SLC2A9: variants seen among roughly 807,000 people sequenced by gnomAD.
The protein encoded by SLC2A9 is solute carrier family 2, facilitated glucose transporter member 9.
In SLC2A9, 39 loss-of-function variants were observed where a neutral mutation model predicts 50.6. That is an observed-to-expected ratio of 0.77 (90% confidence interval 0.60 to 1.01). SLC2A9 has a LOEUF of 1.01. Among genes scored for constraint, SLC2A9 ranks in the 50% least tolerant of loss-of-function variants. The probability of loss-of-function intolerance (pLI) is 0.00; values close to 1 mark genes in which losing one functional copy is unlikely to be tolerated. For missense variants in SLC2A9, 686 were observed against 677.6 expected (o/e 1.01, Z -0.14); for synonymous variants, 324 against 276.9 (o/e 1.17, Z -1.69).
chr4:9,796,066 GC>G (rs1157865166), downstream of SLC2A9, among the ~76,000 whole-genome samples: 4 of 152,186 alleles, frequency 2.6e-5, no homozygotes, highest in Admixed American at 6.5e-5. Context: ...ATGTGGCACG[GC>G]TGAGATTCAG....
intron 5 of SLC2A9, among the ~76,000 whole-genome samples, chr4:9,955,202 C>T (rs140251000): frequency 0.012 from 1,555 of 126,412 alleles, 237 homozygotes; most frequent in Admixed American, 0.023. Context: ...ACATATAAAA[C>T]TCCAAGTCGG....
intron 5 of SLC2A9, 104 bp downstream of exon 5, chr4:9,980,488 C>T: frequency 6.6e-7 from 1 of 1,525,782 alleles, no homozygotes; most frequent in Admixed American, 1.7e-5. Context: ...GCTTGAATAC[C>T]AGAAATTGCA....
chr4:9,819,439 A>T (rs958395895), intron 3 of SLC2A9, among the ~76,000 whole-genome samples: 8 of 152,082 alleles, frequency 5.3e-5, no homozygotes, highest in African/African-American at 1.9e-4. Context: ...ATCATGAACC[A>T]CCTTTCTTCA....
chr4:9,791,542 T>C (rs1170672316), intron 3 of SLC2A9, among the ~76,000 whole-genome samples: 2 of 152,156 alleles, frequency 1.3e-5, no homozygotes, highest in Non-Finnish European at 2.9e-5. Context: ...CAAGTGTATT[T>C]TGCATGGGGT....
At chr4:9,848,868 C>T (rs1279709340) in intron 10 of SLC2A9, among the ~76,000 whole-genome samples, 1 of 152,108 alleles carries the variant, frequency 6.6e-6, no homozygotes, top group Non-Finnish European at 1.5e-5. Flanking sequence ...CCACGCCCGG[C>T]TAATTTTGTA....
upstream of SLC2A9, among the ~76,000 whole-genome samples, chr4:10,023,419 C>G (rs1224556795): frequency 6.6e-6 from 1 of 152,236 alleles, no homozygotes; most frequent in East Asian, 1.9e-4. Context: ...ACTCCCCTCT[C>G]TATACCCTCC....
chr4:9,867,353 T>C (rs193066246), intron 10 of SLC2A9, among the ~76,000 whole-genome samples: 359 of 152,346 alleles, frequency 2.4e-3, no homozygotes, highest in Non-Finnish European at 4.2e-3. Flanking sequence ...GGGTTTCTCA[T>C]GTCAGCTGAG....
intron 3 of SLC2A9, among the ~76,000 whole-genome samples, chr4:9,817,166 T>TGGG (rs1300419612): frequency 6.6e-6 from 1 of 152,220 alleles, no homozygotes; most frequent in Non-Finnish European, 1.5e-5. Context: ...ATGAGGACAT[T>TGGG]GGGTTTACCC....
At chr4:9,818,550 A>G (rs1235224333) in intron 3 of SLC2A9, among the ~76,000 whole-genome samples, 1 of 152,208 alleles carries the variant, frequency 6.6e-6, no homozygotes, top group Non-Finnish European at 1.5e-5. Context: ...AAAATTACTG[A>G]GAGAACTTTG....
chr4:9,884,178 C>A (rs1381004187), intron 10 of SLC2A9, among the ~76,000 whole-genome samples: 1 of 152,244 alleles, frequency 6.6e-6, no homozygotes, highest in Non-Finnish European at 1.5e-5. Context: ...GCTAGCGTTA[C>A]ACTGACTGAT....
At chr4:9,914,269 T>C (rs1037532695) in intron 7 of SLC2A9, among the ~76,000 whole-genome samples, 2 of 152,156 alleles carry the variant, frequency 1.3e-5, no homozygotes, top group African/African-American at 4.8e-5. Flanking sequence ...GATGAATCAC[T>C]ACCGGCAGCT....
intron 7 of SLC2A9, among the ~76,000 whole-genome samples, chr4:9,916,048 C>T (rs1048054675): frequency 3.9e-5 from 6 of 152,186 alleles, no homozygotes; most frequent in Admixed American, 6.5e-5. Flanking sequence ...ATGTCTCCTT[C>T]CCCTTGTTCC....
At chr4:9,986,195 G>A (rs1336822634) in intron 3 of SLC2A9, among the ~76,000 whole-genome samples, 2 of 152,204 alleles carry the variant, frequency 1.3e-5, no homozygotes, top group South Asian at 2.1e-4. Context: ...TTGAAGAACC[G>A]AGATGTCAAA....
intron 6 of SLC2A9, among the ~76,000 whole-genome samples, chr4:9,927,099 C>T (rs1745046012): frequency 6.6e-6 from 1 of 151,502 alleles, no homozygotes; most frequent in Non-Finnish European, 1.5e-5. Context: ...ATGCAGTCTC[C>T]ACTCACTGCA....
At chr4:9,921,933 T>A (rs1744028215) in intron 6 of SLC2A9, among the ~76,000 whole-genome samples, 1 of 152,140 alleles carries the variant, frequency 6.6e-6, no homozygotes, top group South Asian at 2.1e-4. Context: ...GTTTTTTTTT[T>A]CTCTTTTCAC....
intron 3 of SLC2A9, among the ~76,000 whole-genome samples, chr4:9,989,815 C>A (rs752743746): frequency 6.6e-6 from 1 of 152,036 alleles, no homozygotes; most frequent in Non-Finnish European, 1.5e-5. Context: ...CTGACCTCCA[C>A]TCTCATCTTC....
At chr4:9,879,590 C>A (rs529826448) in intron 10 of SLC2A9, 6 of 985,386 alleles carry the variant, frequency 6.1e-6, no homozygotes, top group Non-Finnish European at 7.2e-6. Flanking sequence ...GCTGAGGCAT[C>A]TTCCATCAGG....
At chr4:9,933,446 C>T (rs1316619629) in intron 6 of SLC2A9, among the ~76,000 whole-genome samples, 1 of 152,122 alleles carries the variant, frequency 6.6e-6, no homozygotes. Context: ...CCTACTGGCA[C>T]CTCTGTAACC....
intron 9 of SLC2A9, among the ~76,000 whole-genome samples, chr4:9,889,016 C>T (rs1736822011): frequency 6.6e-6 from 1 of 152,156 alleles, no homozygotes; most frequent in Non-Finnish European, 1.5e-5. Context: ...AGGCCCTTGC[C>T]CTACACAACT....
Sources: allele counts gnomAD v4.1 joint callset (sites outside exome capture counted in the v4.1 genomes callset), GRCh38; gene constraint gnomAD v4.1.1; transcripts MANE v1.5; gene names NCBI Gene and HGNC (gene_info 2026-07-23, HGNC 2026-07-21).